The following PDE4D variants were observed in gnomAD, a reference collection of about 807,000 sequenced individuals.
PDE4D encodes the protein phosphodiesterase 4D, also known as 3',5'-cyclic-AMP phosphodiesterase 4D.
PDE4D carries 24 observed loss-of-function variants against 87.4 expected under a neutral mutation model. The ratio of observed to expected loss-of-function variants is 0.27; its 90% CI spans 0.20 to 0.39. The LOEUF (loss-of-function observed/expected upper bound fraction) is 0.39, where lower values mean the gene tolerates loss of function less well. PDE4D is among the 10% of genes least tolerant of loss of function. The pLI is 1.00. For synonymous variants in PDE4D, 384 were observed against 383.2 expected, an observed-to-expected ratio of 1.00 and a Z score of -0.02; for missense variants, 714 against 1,041.0, an observed-to-expected ratio of 0.69 and a Z score of 4.32.
At chr5:60,014,033 C>A (rs1765273153) in intron 2 of PDE4D, among the ~76,000 whole-genome samples, 1 of 149,968 alleles carries the variant, frequency 6.7e-6, no homozygotes, top group African/African-American at 2.5e-5. Context: ...GCGGAGGTTG[C>A]CGTGAGCCGA....
In PDE4D at chr5:59,430,286, G is replaced by A. The variant is rs986861062; in HGVS notation, c.456-214318C>T. ...TGACAAACAACTAGAGGAAAGGAAA[G>A]CAGTTACCGTCTCCTCTGTGGCTTA... On this transcript the variant is annotated intron_variant, in intron 1 of 14. Transcript: ENST00000340635. 4.1e-6 allele frequency: 5 copies of A among 1,231,126 alleles called. No homozygotes were observed. The African/African-American group carries it at 7.8e-5, about 19-fold the overall frequency. The allele number at this position is 1,231,126 out of a possible 1,614,324, so 76.3% of individuals were successfully genotyped here.
rs113134090 is a variant in PDE4D, at chr5:59,443,326, T to C, written c.456-227358A>G. ...TTTGACAATCTGATCATTTTTCTTA[T>C]GAATAGACACAAAGAAATAGATAAA... On this transcript the variant is annotated intron_variant, in intron 1 of 14. Transcript: ENST00000340635. Among the ~76,000 whole-genome samples, 11 of 152,304 alleles carry C rather than the reference T, an allele frequency of 7.2e-5. 2 individuals are homozygous for C. The highest frequency in any genetic ancestry group is 2.6e-4 in the African/African-American group (11 of 41,572).
At chr5:59,445,778 G>A (rs1798254829) in intron 1 of PDE4D, among the ~76,000 whole-genome samples, 1 of 152,122 alleles carries the variant, frequency 6.6e-6, no homozygotes, top group Admixed American at 6.5e-5. Context: ...CCTATATGGG[G>A]AAACAGGATA....
In PDE4D at chr5:59,749,306, G is replaced by T. The variant is rs138320443; in HGVS notation, c.455+143862C>A. 1.6e-4 allele frequency among the ~76,000 whole-genome samples: 25 copies of T among 152,232 alleles called. No homozygotes were observed. The East Asian group carries it at 4.8e-3, about 29-fold the overall frequency. ...GACAGAGTCTTGCTCTGTCACCCAG[G>T]CTGGAGTGCAGTGGCATGATCTCAG... On this transcript the variant is annotated intron_variant, in intron 1 of 14. Coordinates refer to ENST00000340635, the MANE Select transcript of PDE4D (RefSeq NM_001104631.2).
In PDE4D at chr5:60,335,925, T is replaced by C. The variant is rs545722127; in HGVS notation, c.-89-150238A>G. 2.0e-5 allele frequency among the ~76,000 whole-genome samples: 3 copies of C among 152,338 alleles called. No homozygotes were observed. The South Asian group carries it at 6.2e-4, about 32-fold the overall frequency. ...TAACTGATAGCACTAATATGTCAAA[T>C]AATTTTAAACTTGTGTCCCTTTACT... On this transcript the variant is annotated intron_variant, in intron 1 of 16. Transcript: ENST00000502484.
chr5:59,916,866 C>A (rs1309326810), intron 3 of PDE4D, among the ~76,000 whole-genome samples: 2 of 151,496 alleles, frequency 1.3e-5, no homozygotes, highest in Non-Finnish European at 2.9e-5. Context: ...CACCTCACTG[C>A]AACCTCCACC....
intron 1 of PDE4D, among the ~76,000 whole-genome samples, chr5:59,762,854 G>GATATATATATATATATATATATAT (rs35979900): frequency 1.9e-5 from 1 of 51,688 alleles, no homozygotes; most frequent in Non-Finnish European, 3.8e-5. Context: ...ACTGCTTAAG[G>GATATATATATATATATATATATAT]ATATATATAT....
chr5:60,147,780 C>T (rs910200196), intron 2 of PDE4D: 2 of 456,166 alleles, frequency 4.4e-6, no homozygotes, highest in Non-Finnish European at 8.8e-6. Context: ...TCCTTGCTGA[C>T]TGTTGGCTGG....
intron 2 of PDE4D, among the ~76,000 whole-genome samples, chr5:60,121,534 A>G (rs1778682384): frequency 6.6e-6 from 1 of 152,144 alleles, no homozygotes; most frequent in Non-Finnish European, 1.5e-5. Flanking sequence ...GGAAGATACA[A>G]AAGTGGAAAC....
chr5:59,506,346 C>T (rs1012740090), intron 1 of PDE4D, among the ~76,000 whole-genome samples: 1 of 152,024 alleles, frequency 6.6e-6, no homozygotes, highest in African/African-American at 2.4e-5. Flanking sequence ...CCTGAGTTAG[C>T]ATTTAAATTT....
At chr5:59,867,509 T>C (rs1747223198) in intron 1 of PDE4D, among the ~76,000 whole-genome samples, 1 of 152,202 alleles carries the variant, frequency 6.6e-6, no homozygotes, top group Non-Finnish European at 1.5e-5. Context: ...GGTGTAATTT[T>C]TTTCAGAACA....
At chr5:59,183,587 T>C (rs565553291) in intron 4 of PDE4D, among the ~76,000 whole-genome samples, 12 of 152,260 alleles carry the variant, frequency 7.9e-5, no homozygotes, top group Middle Eastern at 6.8e-3. Context: ...ACTAAAAAGT[T>C]TGGGAGTGAC....
intron 1 of PDE4D, among the ~76,000 whole-genome samples, chr5:60,329,335 G>A (rs940627695): frequency 1.2e-4 from 18 of 152,148 alleles, no homozygotes; most frequent in Middle Eastern, 3.4e-3. Flanking sequence ...CCCCTGCTTC[G>A]CTCAGCACTT....
At chr5:59,206,932 C>G (rs1748922186) in intron 2 of PDE4D, among the ~76,000 whole-genome samples, 2 of 152,142 alleles carry the variant, frequency 1.3e-5, no homozygotes, top group African/African-American at 4.8e-5. Context: ...CCTGTAATTT[C>G]AGCACTTTGG....
chr5:60,398,897 G>C (rs1763081316), intron 1 of PDE4D, among the ~76,000 whole-genome samples: 1 of 152,112 alleles, frequency 6.6e-6, no homozygotes, highest in South Asian at 2.1e-4. Context: ...ACCCAGGTCT[G>C]TCCAACCCCA....
intron 3 of PDE4D, among the ~76,000 whole-genome samples, chr5:59,924,568 A>T (rs999907590): frequency 3.0e-4 from 45 of 151,902 alleles, no homozygotes; most frequent in Non-Finnish European, 1.3e-4. Context: ...AGTGTGGAAA[A>T]AAAAAAAAAA....
At chr5:59,375,604 G>C (rs994155583) in intron 1 of PDE4D, among the ~76,000 whole-genome samples, 6 of 152,148 alleles carry the variant, frequency 3.9e-5, no homozygotes, top group African/African-American at 1.4e-4. Context: ...AATTCTACCA[G>C]ATGTACAAAG....
At chr5:59,836,358 A>G (rs936514739) in intron 1 of PDE4D, among the ~76,000 whole-genome samples, 5 of 152,078 alleles carry the variant, frequency 3.3e-5, no homozygotes, top group Non-Finnish European at 5.9e-5. Flanking sequence ...TCTTTGGAGT[A>G]AAAACAATAG....
chr5:59,773,388 G>T (rs1359801166), intron 1 of PDE4D, among the ~76,000 whole-genome samples: 3 of 152,126 alleles, frequency 2.0e-5, no homozygotes, highest in African/African-American at 2.4e-5. Flanking sequence ...ATTGTTTATG[G>T]TTATTTCTAT....
Sources: allele counts gnomAD v4.1 joint callset (sites outside exome capture counted in the v4.1 genomes callset), GRCh38; gene constraint gnomAD v4.1.1; transcripts MANE v1.5; gene names NCBI Gene and HGNC (gene_info 2026-07-23, HGNC 2026-07-21).